Variants in PXDNL observed in about 807,000 individuals in gnomAD.
The protein encoded by PXDNL is probable oxidoreductase PXDNL.
In PXDNL, 145 loss-of-function variants were observed where a neutral mutation model predicts 150.8. The observed-to-expected ratio is 0.96, with a 90% CI of 0.84 to 1.10. The LOEUF (loss-of-function observed/expected upper bound fraction) is 1.10, where lower values mean the gene tolerates loss of function less well. PXDNL is among the 50% of genes least tolerant of loss of function. The pLI is 0.00. For missense variants in PXDNL, 2,087 were observed against 1,873.9 expected, an observed-to-expected ratio of 1.11 and a Z score of -2.10; for synonymous variants, 757 against 725.7, an observed-to-expected ratio of 1.04 and a Z score of -0.69.
At chr8:51,456,761 T>C (rs1809946299) in intron 9 of PXDNL, among the ~76,000 whole-genome samples, 1 of 152,214 alleles carries the variant, frequency 6.6e-6, no homozygotes, top group African/African-American at 2.4e-5. Context: ...TTTCGGTAAC[T>C]AGGAATTGGC....
In PXDNL at chr8:51,453,611, T is replaced by C. The variant is rs2129971855; in HGVS notation, c.1157A>G (p.Gln386Arg). 1 of 1,614,070 alleles carries C rather than the reference T, an allele frequency of 6.2e-7. No individual in the cohort carries two copies. The highest frequency in any genetic ancestry group is 1.3e-5 in the African/African-American group (1 of 75,080). Residue 386 changes from glutamine to arginine, a missense_variant, in exon 10 of 23, where the codon CAG (glutamine) becomes CGG (arginine). By Grantham distance (43) the Gln-to-Arg change is conservative. Transcript: ENST00000356297. ...ACCATGATCCCGTTGTGTGATGTTC[T>C]GTAAGTAAAGTCCACTGGACGTTGC... ...HVATSSGLYL[Q>R]NITQRDHGRF... is the part of the protein sequence containing the mutation.
At chr8:51,439,516 G>A (rs558067043) in intron 12 of PXDNL, among the ~76,000 whole-genome samples, 1 of 152,216 alleles carries the variant, frequency 6.6e-6, no homozygotes, top group East Asian at 1.9e-4. Context: ...AAAGAGTGTG[G>A]AGATTCCTTA....
At chr8:51,461,198 T>C (rs1191151690) in intron 8 of PXDNL, among the ~76,000 whole-genome samples, 3 of 152,162 alleles carry the variant, frequency 2.0e-5, no homozygotes, top group Non-Finnish European at 2.9e-5. Flanking sequence ...CAAGCTGAGA[T>C]CTGTGACTAG....
At chr8:51,421,417 A>G (rs533585260) in intron 14 of PXDNL, among the ~76,000 whole-genome samples, 66 of 152,274 alleles carry the variant, frequency 4.3e-4, no homozygotes, top group Non-Finnish European at 1.3e-4. Context: ...AAGAAACTTT[A>G]GGTCAGGCGA....
chr8:51,409,082 G>A lies in PXDNL; in HGVS notation c.2542C>T (p.Arg848Trp), dbSNP rs200513898. 61 of 1,609,368 alleles carry A rather than the reference G, an allele frequency of 3.8e-5. No individual in the cohort carries two copies. In the African/African-American group the frequency reaches 7.1e-4, roughly 19 times the overall value. The change falls in exon 17 of 23, where the codon CGG becomes TGG. Residue 848 changes from arginine (R) to tryptophan (W), a missense_variant. Arg to Trp is a moderately radical substitution (Grantham distance 101). Coordinates refer to ENST00000356297, the MANE Select transcript of PXDNL (RefSeq NM_144651.5). ...TGGGTGCCCCGGGGGTCGGCGTGCC[G>A]GGTGTTCATGGGGAAACAAGGAGGG... is the stretch of plus-strand genomic sequence containing the variant. ...NDPPCFPMNTRHADPRGTHAP... is the reference protein window; with the variant it reads ...NDPPCFPMNTWHADPRGTHAP...
Position 51,556,889 on chromosome 8 carries a change from G to T in PXDNL, c.331C>A (p.His111Asn). 1 of 1,580,388 alleles carries T rather than the reference G, an allele frequency of 6.3e-7. No homozygotes were observed. Among genetic ancestry groups the T allele is most frequent in the South Asian group, 1.1e-5 (1 of 90,228 alleles). The change falls in exon 4 of 23, where the codon CAT becomes AAT. Residue 111 changes from histidine to asparagine, a missense_variant. Physicochemically the swap from His to Asn is moderately conservative, Grantham distance 68. Coordinates refer to ENST00000356297, the MANE Select transcript of PXDNL (RefSeq NM_144651.5). ...LYLYLYKNEI[H>N]ALDKQTFKGL... Reference sequence around the variant, plus strand: ...TTAAATGTTTGCTTATCTAGTGCATGGATTTCATTCTTATACAGGTACCTG... The same window carrying T: ...TTAAATGTTTGCTTATCTAGTGCATTGATTTCATTCTTATACAGGTACCTG...
chr8:51,491,648 A>C (rs1810898511), intron 5 of PXDNL, among the ~76,000 whole-genome samples: 1 of 152,118 alleles, frequency 6.6e-6, no homozygotes, highest in Admixed American at 6.5e-5. Flanking sequence ...CCCAGGCAGC[A>C]GGACTCTCCC....
chr8:51,749,952 G>A (rs1363305371), intron 1 of PXDNL, among the ~76,000 whole-genome samples: 1 of 152,006 alleles, frequency 6.6e-6, no homozygotes, highest in African/African-American at 2.4e-5. Flanking sequence ...TCCCAACCTC[G>A]GCCTCCCAAA....
At chr8:51,406,600 C>A (rs1303388464) in intron 17 of PXDNL, among the ~76,000 whole-genome samples, 1 of 152,200 alleles carries the variant, frequency 6.6e-6, no homozygotes, top group East Asian at 1.9e-4. Flanking sequence ...CAGTCCCTCA[C>A]CCCAGATGCC....
At chr8:51,785,288 A>G (rs1362781799) in intron 1 of PXDNL, among the ~76,000 whole-genome samples, 2 of 152,218 alleles carry the variant, frequency 1.3e-5, no homozygotes, top group East Asian at 3.9e-4. Context: ...GGTTCATTAG[A>G]TAATGCCTGA....
chr8:51,656,177 C>T (rs192904062), intron 1 of PXDNL, among the ~76,000 whole-genome samples: 3 of 152,218 alleles, frequency 2.0e-5, no homozygotes, highest in East Asian at 3.9e-4. Context: ...AAACTCTTCA[C>T]CACCATAAAA....
chr8:51,321,111 A>G, intron 21 of PXDNL: 1 of 444,370 alleles, frequency 2.3e-6, no homozygotes, highest in Non-Finnish European at 4.0e-6. Context: ...TGTAGGTGTT[A>G]AAAAATATTG....
At chr8:51,473,242 G>T (rs1038240638) in intron 7 of PXDNL, among the ~76,000 whole-genome samples, 1 of 144,606 alleles carries the variant, frequency 6.9e-6, no homozygotes, top group Non-Finnish European at 1.5e-5. Context: ...TGTACCAAGG[G>T]GTTTACAGTT....
intron 11 of PXDNL, among the ~76,000 whole-genome samples, chr8:51,448,021 A>G (rs991701140): frequency 3.3e-5 from 5 of 152,264 alleles, no homozygotes; most frequent in Admixed American, 3.3e-4. Context: ...CCAAGGCTTT[A>G]TGGTTCCAAA....
chr8:51,668,985 A>G (rs1815443904), intron 1 of PXDNL, among the ~76,000 whole-genome samples: 1 of 152,192 alleles, frequency 6.6e-6, no homozygotes, highest in South Asian at 2.1e-4. Context: ...GAAAATAAAT[A>G]TTAATTAAAA....
intron 19 of PXDNL, among the ~76,000 whole-genome samples, chr8:51,353,887 A>C (rs1277672164): frequency 1.3e-5 from 2 of 152,138 alleles, no homozygotes; most frequent in Non-Finnish European, 2.9e-5. Flanking sequence ...GCCTGACTTA[A>C]CTTTGATGTA....
chr8:51,558,194 A>C (rs1216679962), intron 3 of PXDNL, among the ~76,000 whole-genome samples: 2 of 152,058 alleles, frequency 1.3e-5, no homozygotes, highest in East Asian at 3.9e-4. Context: ...GTAAGGCCTC[A>C]TTTTGAGTTC....
chr8:51,396,049 C>A (rs1336584581), intron 17 of PXDNL, among the ~76,000 whole-genome samples: 2 of 152,212 alleles, frequency 1.3e-5, no homozygotes. Context: ...ACTAATGGAT[C>A]TTAGCTGCAC....
intron 4 of PXDNL, among the ~76,000 whole-genome samples, chr8:51,500,583 C>A (rs1222256813): frequency 6.6e-6 from 1 of 152,156 alleles, no homozygotes; most frequent in African/African-American, 2.4e-5. Flanking sequence ...AAGTGTATTC[C>A]CTGCACCTGA....
Sources: gnomAD v4.1 joint callset for allele counts (sites outside exome capture counted in the v4.1 genomes callset) on GRCh38, gnomAD v4.1.1 for gene constraint, MANE v1.5 for transcripts, NCBI Gene and HGNC (gene_info 2026-07-23, HGNC 2026-07-21) for gene names.